Variants in RGMA observed in about 807,000 individuals in gnomAD.
RGMA encodes repulsive guidance molecule A.
Under a neutral mutation model 23.2 loss-of-function variants are expected in RGMA, and 10 were observed. The ratio of observed to expected loss-of-function variants is 0.43; its 90% confidence interval spans 0.27 to 0.73. The LOEUF (loss-of-function observed/expected upper bound fraction) is 0.73, where lower values mean the gene tolerates loss of function less well. Among genes scored for constraint, RGMA ranks in the 30% least tolerant of loss-of-function variants. RGMA has a pLI of 0.20. For synonymous variants in RGMA, 308 were observed against 279.3 expected (o/e 1.10, Z -1.03); for missense variants, 547 against 630.5 (o/e 0.87, Z 1.42).
chr15:93,072,457 G>A (rs879327975), intron 2 of RGMA, among the ~76,000 whole-genome samples: 1 of 152,174 alleles, frequency 6.6e-6, no homozygotes, highest in Non-Finnish European at 1.5e-5. Context: ...CCGGGGAGGG[G>A]GCTGTCGGGA....
In RGMA at chr15:93,080,197, GT is replaced by G. The variant is rs1334703860; in HGVS notation, c.15-7167del. Among the ~76,000 whole-genome samples the G allele has an allele frequency of 3.3e-5, 5 of 151,986 alleles. No individual in the cohort carries two copies. In the East Asian group the frequency reaches 9.6e-4, roughly 29 times the overall value. ...GGATTTTATTCCAAAATTTTAATGG[GT>G]TTTTAATTTTATTTTTTTGAGACAA... On this transcript the variant is annotated intron_variant, in intron 1 of 3. Coordinates refer to ENST00000329082, the MANE Select transcript of RGMA (RefSeq NM_020211.3).
intron 3 of RGMA, among the ~76,000 whole-genome samples, chr15:93,050,912 C>T (rs1004155479): frequency 4.6e-5 from 7 of 151,322 alleles, no homozygotes; most frequent in South Asian, 2.1e-4. Flanking sequence ...CTCAGGAGGG[C>T]GGGTGGTGGG....
chr15:93,088,869 G>A, intron 1 of RGMA, 50 bp downstream of exon 1: 1 of 1,479,896 alleles, frequency 6.8e-7, no homozygotes, highest in East Asian at 2.9e-5. Flanking sequence ...TGTCGGCGGC[G>A]CCTCGGAGAT....
Position 93,043,406 on chromosome 15 carries a change from T to TAAAAG in RGMA, c.*1587_*1591dup, listed in dbSNP as rs1362740941. ...TTCAGAAAACAAACTCCAACACGTC[T>TAAAAG]AAAAGAAAATAACAAAAAAACCAAA... On this transcript the variant is annotated 3_prime_UTR_variant, in exon 4 of 4. Transcript: ENST00000329082. 2.0e-5 allele frequency: 3 copies of TAAAAG among 152,402 alleles called. No homozygotes were observed. Among genetic ancestry groups the TAAAAG allele is most frequent in the Non-Finnish European group, 4.4e-5 (3 of 68,032 alleles). 9.4% of individuals were successfully genotyped at this position (152,402 alleles called of 1,614,324 possible).
intron 2 of RGMA, among the ~76,000 whole-genome samples, chr15:93,057,446 A>G (rs1440168603): frequency 6.6e-6 from 1 of 152,082 alleles, no homozygotes; most frequent in Non-Finnish European, 1.5e-5. Context: ...CTGCCACGTG[A>G]GGATATAATG....
At chr15:93,064,016 C>T (rs1895057723) in intron 2 of RGMA, among the ~76,000 whole-genome samples, 1 of 152,086 alleles carries the variant, frequency 6.6e-6, no homozygotes, top group African/African-American at 2.4e-5. Context: ...GAAACCACAC[C>T]GTGTGCCAAG....
rs559268595 is a variant in RGMA at position 93,052,579 on chromosome 15, C to A, written c.131-72G>T. ...CCCAGCTTCTGCTACCATCTGTGGG[C>A]CAGGGGAGCAGCCACACATCGCCTC... On this transcript the variant is annotated intron_variant, in intron 2 of 3. Coordinates refer to ENST00000329082, the MANE Select transcript of RGMA (RefSeq NM_020211.3). 1,005 of 1,439,930 alleles carry A rather than the reference C, an allele frequency of 7.0e-4. 2 individuals carry two copies. Among genetic ancestry groups the A allele is most frequent in the Admixed American group, 1.4e-3 (63 of 43,946 alleles). The allele number at this position is 1,439,930 out of a possible 1,614,324, so 89.2% of individuals were successfully genotyped here.
chr15:93,060,820 C>A (rs1894935355), intron 2 of RGMA, among the ~76,000 whole-genome samples: 1 of 152,266 alleles, frequency 6.6e-6, no homozygotes, highest in Non-Finnish European at 1.5e-5. Context: ...CTGGCCCCTC[C>A]TGCTCTGGAC....
chr15:93,045,132 T>C lies in RGMA; in HGVS notation c.1219A>G (p.Asn407Asp), dbSNP rs1456389793. The change falls in exon 4 of 4, where the codon AAC becomes GAC. Residue 407 changes from asparagine to aspartate, a missense_variant. This residue lies in a region of RGMA where 205 missense variants were observed against 204.1 expected (regional missense o/e 1.00). Coordinates refer to ENST00000329082, the MANE Select transcript of RGMA (RefSeq NM_020211.3). This position sits in a 1 kb window ranked among gnomAD's most constrained non-coding sequence, Gnocchi z 6.9. ...TCATACAGGTGCAGTTTGTCTTTGT[T>C]GGAGTGGAGCATCTTGACATCCTCC... ...ALEDVKMLHSNKDKLHLYERT... is the reference protein window; with the variant it reads ...ALEDVKMLHSDKDKLHLYERT... The C allele has an allele frequency of 1.3e-6, 2 of 1,598,626 alleles. No homozygotes were observed. The highest frequency in any genetic ancestry group is 1.7e-6 in the Non-Finnish European group (2 of 1,172,556).
At chr15:93,057,666 C>T (rs2055036430) in intron 2 of RGMA, among the ~76,000 whole-genome samples, 1 of 152,328 alleles carries the variant, frequency 6.6e-6, no homozygotes, top group Non-Finnish European at 1.5e-5. Flanking sequence ...CTCCTTCCTG[C>T]ACCCTCCCAA....
chr15:93,065,584 T>C, intron 2 of RGMA: 1 of 768,414 alleles, frequency 1.3e-6, no homozygotes, highest in Non-Finnish European at 2.3e-6. Flanking sequence ...TGAGTTGGAA[T>C]CACTCCAGGA....
At chr15:93,067,866 G>A (rs1214539767) in intron 2 of RGMA, among the ~76,000 whole-genome samples, 2 of 152,100 alleles carry the variant, frequency 1.3e-5, no homozygotes, top group Admixed American at 6.5e-5. Flanking sequence ...GGCGAGGATC[G>A]GGGGAGGCAG....
intron 1 of RGMA, among the ~76,000 whole-genome samples, chr15:93,079,158 G>T (rs1895518854): frequency 6.6e-6 from 1 of 152,226 alleles, no homozygotes; most frequent in Admixed American, 6.5e-5. Flanking sequence ...GTTCCTGGGG[G>T]ATCCTCACTG....
At chr15:93,077,238 G>C (rs959659851) in intron 1 of RGMA, among the ~76,000 whole-genome samples, 4 of 152,224 alleles carry the variant, frequency 2.6e-5, no homozygotes, top group African/African-American at 9.6e-5. Context: ...TCAAGAAGGG[G>C]AGGGATTTAT....
chr15:93,073,255 G>T (rs1567193968), intron 1 of RGMA: 3 of 1,009,904 alleles, frequency 3.0e-6, no homozygotes, highest in African/African-American at 1.7e-5. Context: ...AGCCGCCTGC[G>T]CACCGCCCCC....
intron 2 of RGMA, among the ~76,000 whole-genome samples, chr15:93,052,740 TGGGGATCCTCCC>T (rs59254441): frequency 0.18 from 26,672 of 152,144 alleles, 3,811 homozygotes; most frequent in East Asian, 0.73. Context: ...AAAGGGCTAG[TGGGGATCCTCCC>T]ACAGCGCCAG....
In RGMA at chr15:93,045,102, T is replaced by C. The variant is rs2054797481; in HGVS notation, c.1249A>G (p.Thr417Ala). The C allele has an allele frequency of 1.9e-6, 3 of 1,585,316 alleles. No homozygotes were observed. The highest frequency in any genetic ancestry group is 1.7e-6 in the Non-Finnish European group (2 of 1,166,104). Residue 417 changes from threonine to alanine, a missense_variant, in exon 4 of 4, where the codon ACT (threonine) becomes GCT (alanine). Physicochemically the swap from Thr to Ala is moderately conservative, Grantham distance 58. This residue lies in a region of RGMA where 205 missense variants were observed against 204.1 expected (regional missense o/e 1.00). Coordinates refer to ENST00000329082, the MANE Select transcript of RGMA (RefSeq NM_020211.3). The surrounding 1 kb of genome is among the most constrained non-coding windows in gnomAD (Gnocchi z 6.9). ...NKDKLHLYERTRDLPGRAAAG... is the reference protein window; with the variant it reads ...NKDKLHLYERARDLPGRAAAG... The stretch of plus-strand genomic sequence containing the variant: ...GCCGCCCTGCCTGGCAGGTCCCGAG[T>C]CCTCTCATACAGGTGCAGTTTGTCT...
At chr15:93,076,431 G>A (rs1277988424) in intron 1 of RGMA, among the ~76,000 whole-genome samples, 3 of 152,078 alleles carry the variant, frequency 2.0e-5, no homozygotes, top group Non-Finnish European at 4.4e-5. Context: ...CAAATCTAGG[G>A]CCTGAGTCAT....
At chr15:93,072,873 G>A in intron 2 of RGMA, 43 bp downstream of exon 2, 1 of 1,565,914 alleles carries the variant, frequency 6.4e-7, no homozygotes, top group Non-Finnish European at 8.7e-7. Flanking sequence ...TTGAGGGGCG[G>A]CCCAGGGACC....
Sources: gnomAD v4.1 joint callset for allele counts (sites outside exome capture counted in the v4.1 genomes callset) on GRCh38, gnomAD v4.1.1 for gene constraint, gnomAD v4.1.1 regional missense constraint, Gnocchi (gnomAD v3.1) non-coding constraint, MANE v1.5 for transcripts, NCBI Gene and HGNC (gene_info 2026-07-23, HGNC 2026-07-21) for gene names.